FRMD4A: variants seen among roughly 807,000 people sequenced by gnomAD.
The protein encoded by FRMD4A is FERM domain containing 4A.
In FRMD4A, 29 loss-of-function variants were observed where a neutral mutation model predicts 129.1. The observed-to-expected ratio is 0.22, with a 90% confidence interval of 0.17 to 0.31. The LOEUF is 0.31. Among genes scored for constraint, FRMD4A ranks in the 10% least tolerant of loss-of-function variants. The probability of loss-of-function intolerance (pLI) is 1.00; values close to 1 mark genes in which losing one functional copy is unlikely to be tolerated. For missense variants in FRMD4A, 1,272 were observed against 1,375.8 expected (o/e 0.92, Z 1.19); for synonymous variants, 634 against 571.6 (o/e 1.11, Z -1.56).
chr10:14,011,155 A>G (rs2095680911), intron 2 of FRMD4A, among the ~76,000 whole-genome samples: 1 of 152,252 alleles, frequency 6.6e-6, no homozygotes, highest in South Asian at 2.1e-4. Flanking sequence ...ATCAGATTAC[A>G]GCAGTTTGGA....
At chr10:14,172,247 G>A (rs1016297334) in intron 2 of FRMD4A, among the ~76,000 whole-genome samples, 1 of 152,320 alleles carries the variant, frequency 6.6e-6, no homozygotes, top group South Asian at 2.1e-4. Context: ...TGAAGGGTTT[G>A]AATGAGAATC....
At chr10:13,990,344 T>C (rs1173360693) in intron 2 of FRMD4A, among the ~76,000 whole-genome samples, 1 of 152,124 alleles carries the variant, frequency 6.6e-6, no homozygotes, top group Non-Finnish European at 1.5e-5. Context: ...CAGAGGGGAA[T>C]GTGGGACAAG....
intron 2 of FRMD4A, among the ~76,000 whole-genome samples, chr10:14,060,483 A>C (rs1232978987): frequency 6.6e-6 from 1 of 152,216 alleles, no homozygotes; most frequent in African/African-American, 2.4e-5. Context: ...TTACAAGTGG[A>C]CTACTTGGGA....
At chr10:13,801,338 T>C (rs1220889002) in intron 4 of FRMD4A, among the ~76,000 whole-genome samples, 2 of 152,186 alleles carry the variant, frequency 1.3e-5, no homozygotes, top group African/African-American at 2.4e-5. Flanking sequence ...TGATCCTACA[T>C]GGAATAGTTG....
Position 14,330,614 on chromosome 10 carries a change from G to C in FRMD4A, c.-99C>G, listed in dbSNP as rs1015309803. 1.3e-5 allele frequency: 5 copies of C among 399,836 alleles called. No homozygotes were observed. The Admixed American group carries it at 1.3e-4, about 10-fold the overall frequency. 24.8% of individuals were successfully genotyped at this position (399,836 alleles called of 1,614,324 possible). ...CAACATACCGCTCGCAATCTGGTCA[G>C]TGTCTTCTTTGCTGCAGATAGGTGT... On this transcript the variant is annotated 5_prime_UTR_variant, in exon 1 of 25. Transcript: ENST00000357447.
chr10:13,819,013 A>G (rs1185104823), intron 3 of FRMD4A, among the ~76,000 whole-genome samples: 1 of 152,106 alleles, frequency 6.6e-6, no homozygotes, highest in Non-Finnish European at 1.5e-5. Context: ...CTGTAATCCC[A>G]GCTACTCGAG....
chr10:13,660,684 G>C lies in FRMD4A; in HGVS notation c.1661-131C>G. The C allele has an allele frequency of 5.0e-6, 3 of 604,246 alleles. No individual in the cohort carries two copies. The South Asian group carries it at 6.9e-5, about 14-fold the overall frequency. 37.4% of individuals were successfully genotyped at this position (604,246 alleles called of 1,614,324 possible). A position where few individuals can be genotyped will look rare whatever the true frequency, so the allele number is the denominator to read the frequency against. Reference sequence around the variant, plus strand: ...ACCCACACCTTCACCCCTGTGATGAGAAACCCTGAAACTCTTCCCCAGTTG... The same window carrying C: ...ACCCACACCTTCACCCCTGTGATGACAAACCCTGAAACTCTTCCCCAGTTG... On this transcript the variant is annotated intron_variant, in intron 19 of 24. Transcript: ENST00000357447.
chr10:14,208,530 AAG>A, intron 2 of FRMD4A, among the ~76,000 whole-genome samples: 1 of 151,978 alleles, frequency 6.6e-6, no homozygotes, highest in Non-Finnish European at 1.5e-5. Flanking sequence ...TGCCTTGGGG[AAG>A]GAGGAGGGGA....
In FRMD4A at chr10:14,302,791, T is replaced by C. The variant is rs112970228; in HGVS notation, c.45+27267A>G. Among the ~76,000 whole-genome samples, 785 of 152,284 alleles carry C rather than the reference T, an allele frequency of 5.2e-3. 8 individuals are homozygous for C. The highest frequency in any genetic ancestry group is 0.018 in the African/African-American group (747 of 41,554). On this transcript the variant is annotated intron_variant, in intron 2 of 24. Transcript: ENST00000357447. ...TGGGCAGGAACTGTATACTTGTGCATCCTGACTGCTGATGGTCAGGTGGTC... is the reference window on the plus strand; with the variant it reads ...TGGGCAGGAACTGTATACTTGTGCACCCTGACTGCTGATGGTCAGGTGGTC...
chr10:13,824,279 C>T (rs1270653128), intron 3 of FRMD4A, among the ~76,000 whole-genome samples: 2 of 139,902 alleles, frequency 1.4e-5, no homozygotes, highest in Non-Finnish European at 3.0e-5. Context: ...AGTTCAAGAC[C>T]AGCCTGGCCA....
At chr10:14,275,985 C>T (rs968211380) in intron 2 of FRMD4A, among the ~76,000 whole-genome samples, 1 of 152,168 alleles carries the variant, frequency 6.6e-6, no homozygotes, top group Non-Finnish European at 1.5e-5. Flanking sequence ...CTTCAGTGAG[C>T]TATGAATGTG....
At chr10:14,328,111 T>C (rs764482473) in intron 2 of FRMD4A, among the ~76,000 whole-genome samples, 3 of 152,116 alleles carry the variant, frequency 2.0e-5, no homozygotes, top group Non-Finnish European at 4.4e-5. Context: ...AGAAAATGTA[T>C]ACAGACTTTG....
chr10:14,273,744 T>G (rs1845242809), intron 2 of FRMD4A, among the ~76,000 whole-genome samples: 1 of 152,160 alleles, frequency 6.6e-6, no homozygotes, highest in African/African-American at 2.4e-5. Flanking sequence ...GCAATGGGGC[T>G]CCAGGTCCTC....
intron 2 of FRMD4A, among the ~76,000 whole-genome samples, chr10:14,304,315 G>A (rs1184918014): frequency 2.0e-5 from 3 of 152,274 alleles, no homozygotes; most frequent in Non-Finnish European, 4.4e-5. Flanking sequence ...CTGTGGATTC[G>A]TGTTATCATT....
intron 2 of FRMD4A, among the ~76,000 whole-genome samples, chr10:14,102,770 G>GA (rs3033974): frequency 0.43 from 64,078 of 148,882 alleles, 16,079 homozygotes; most frequent in African/African-American, 0.7. Context: ...AAGATAGTGA[G>GA]AAAAAAAAAA....
chr10:14,068,328 T>G (rs1835158134), intron 2 of FRMD4A, among the ~76,000 whole-genome samples: 1 of 152,014 alleles, frequency 6.6e-6, no homozygotes, highest in Admixed American at 6.6e-5. Flanking sequence ...TTTAGGAGAG[T>G]GAAATGGTTA....
intron 2 of FRMD4A, among the ~76,000 whole-genome samples, chr10:14,250,343 A>G (rs985048201): frequency 2.6e-5 from 4 of 152,232 alleles, no homozygotes; most frequent in Admixed American, 6.5e-5. Context: ...ATTTGGGAGC[A>G]AAGAAAGAGG....
chr10:14,147,500 C>T, intron 2 of FRMD4A, among the ~76,000 whole-genome samples: 1 of 152,064 alleles, frequency 6.6e-6, no homozygotes, highest in Middle Eastern at 3.2e-3. Context: ...AATTATACAA[C>T]TCGCCATAAT....
intron 2 of FRMD4A, among the ~76,000 whole-genome samples, chr10:13,987,981 T>G (rs1257685171): frequency 6.6e-6 from 1 of 152,188 alleles, no homozygotes; most frequent in Non-Finnish European, 1.5e-5. Flanking sequence ...CAGTTTTTCT[T>G]TTTTAAAAGA....
Sources: gnomAD v4.1 joint callset for allele counts (sites outside exome capture counted in the v4.1 genomes callset) on GRCh38, gnomAD v4.1.1 for gene constraint, MANE v1.5 for transcripts, NCBI Gene and HGNC (gene_info 2026-07-23, HGNC 2026-07-21) for gene names.